LTBP1: variants seen among roughly 807,000 people sequenced by gnomAD.
The protein encoded by LTBP1 is latent-transforming growth factor beta-binding protein 1.
Under a neutral mutation model 207.6 loss-of-function variants are expected in LTBP1, and 129 were observed. The observed-to-expected ratio is 0.62, with a 90% CI of 0.54 to 0.72. LTBP1 has a LOEUF of 0.72. Ranked by LOEUF, LTBP1 falls within the 30% of genes least tolerant of loss-of-function variation. The probability of loss-of-function intolerance (pLI) is 0.00; values close to 1 mark genes in which losing one functional copy is unlikely to be tolerated. For missense variants in LTBP1, 2,281 were observed against 2,217.2 expected, an observed-to-expected ratio of 1.03 and a Z score of -0.58; for synonymous variants, 963 against 833.7, an observed-to-expected ratio of 1.16 and a Z score of -2.67.
At chr2:32,967,883 A>T (rs752392365) in intron 2 of LTBP1, among the ~76,000 whole-genome samples, 20 of 152,202 alleles carry the variant, frequency 1.3e-4, no homozygotes, top group Non-Finnish European at 2.8e-4. Flanking sequence ...GATTTTCTGC[A>T]TGCTGGATCT....
At chr2:33,125,603 C>T (rs1315423138) in intron 4 of LTBP1, among the ~76,000 whole-genome samples, 3 of 152,000 alleles carry the variant, frequency 2.0e-5, no homozygotes, top group Non-Finnish European at 4.4e-5. Context: ...GAGGCTGAGG[C>T]GGGTGGATCA....
Position 33,281,418 on chromosome 2 carries a change from GC to G in LTBP1, c.3112+1262del, listed in dbSNP as rs2093556887. Among the ~76,000 whole-genome samples, 5 of 152,274 alleles carry G rather than the reference GC, an allele frequency of 3.3e-5. No homozygotes were observed. The South Asian group carries it at 1.0e-3, about 32-fold the overall frequency. ...TCGTGGAAGAAGAAGAGAGCAGAAG[GC>G]CAGTGTAGCTGAAGGCCAGAGAACA... is the stretch of plus-strand genomic sequence containing the variant. On this transcript the variant is annotated intron_variant, in intron 19 of 33. Coordinates refer to ENST00000404816, the MANE Select transcript of LTBP1 (RefSeq NM_206943.4).
At chr2:33,150,710 CTTTTTTTTTTTTTTT>C (rs1176008947) in intron 5 of LTBP1, among the ~76,000 whole-genome samples, 31 of 69,278 alleles carry the variant, frequency 4.5e-4, no homozygotes, top group Non-Finnish European at 1.0e-4. Flanking sequence ...TTTTCTTTTT[CTTTTTTTTTTTTTTT>C]TTTTTTTTTT....
chr2:33,280,163 G>T lies in LTBP1; in HGVS notation c.3112+5G>T. ...GCTGGAATGGACAGTGCCTTGGTAG[G>T]TACTATAGTGTACTTATCAAAGATT... On this transcript the variant is annotated splice_donor_5th_base_variant and intron_variant, in intron 19 of 33. Coordinates refer to ENST00000404816, the MANE Select transcript of LTBP1 (RefSeq NM_206943.4). 1.2e-6 allele frequency: 2 copies of T among 1,603,752 alleles called. No homozygotes were observed. Among genetic ancestry groups the T allele is most frequent in the Non-Finnish European group, 1.7e-6 (2 of 1,176,478 alleles).
At chr2:33,168,678 G>A (rs2148352044) in intron 5 of LTBP1, among the ~76,000 whole-genome samples, 1 of 150,852 alleles carries the variant, frequency 6.6e-6, no homozygotes, top group South Asian at 2.1e-4. Context: ...TTTTTAGCAT[G>A]TTAAAAGAAA....
At chr2:33,044,178 G>T (rs1021849561) in intron 3 of LTBP1, among the ~76,000 whole-genome samples, 1 of 151,568 alleles carries the variant, frequency 6.6e-6, no homozygotes, top group African/African-American at 2.4e-5. Flanking sequence ...GCAGAACATG[G>T]CAGGTATACA....
intron 13 of LTBP1, among the ~76,000 whole-genome samples, chr2:33,260,164 G>C (rs987685279): frequency 6.6e-6 from 1 of 152,138 alleles, no homozygotes; most frequent in African/African-American, 2.4e-5. Context: ...GCTATGAATT[G>C]TGAGACATTT....
At chr2:33,070,155 T>C (rs1013622656) in intron 3 of LTBP1, among the ~76,000 whole-genome samples, 1 of 152,144 alleles carries the variant, frequency 6.6e-6, no homozygotes, top group African/African-American at 2.4e-5. Context: ...TGGAGAGGTG[T>C]TGGTATTTGG....
intron 24 of LTBP1, 26 bp downstream of exon 24, chr2:33,315,295 T>C (rs781095856): frequency 1.9e-6 from 3 of 1,609,560 alleles, no homozygotes; most frequent in East Asian, 2.2e-5. Flanking sequence ...CGAAATCATA[T>C]TGTTGTGTGA....
At chr2:33,019,382 G>T (rs2149202790) in intron 2 of LTBP1, among the ~76,000 whole-genome samples, 1 of 135,912 alleles carries the variant, frequency 7.4e-6, no homozygotes, top group Admixed American at 8.8e-5. Context: ...TGTCATCCAG[G>T]CTGCAATGTG....
intron 3 of LTBP1, among the ~76,000 whole-genome samples, chr2:33,085,627 T>G (rs988997249): frequency 6.6e-6 from 1 of 152,182 alleles, no homozygotes; most frequent in East Asian, 1.9e-4. Context: ...TATGACACAT[T>G]TATTATTATC....
chr2:33,275,081 A>C lies in LTBP1; in HGVS notation c.2860A>C (p.Asn954His). Reference sequence around the variant, plus strand: ...ATTTATGGCCAGTGAGGAGGGTACTAACTGCATAGGTAATGGCAGCATTCT... The same window carrying C: ...ATTTATGGCCAGTGAGGAGGGTACTCACTGCATAGGTAATGGCAGCATTCT... The part of the protein sequence containing the change: ...AGFMASEEGT[N>H]CIDVDECLRP... The change falls in exon 17 of 34, where the codon AAC becomes CAC. Residue 954 changes from asparagine (N) to histidine (H), a missense_variant. Asn to His is a moderately conservative substitution (Grantham distance 68, BLOSUM62 1). Coordinates refer to ENST00000404816, the MANE Select transcript of LTBP1 (RefSeq NM_206943.4). 6.2e-7 allele frequency: 1 copy of C among 1,613,938 alleles called. No individual in the cohort carries two copies. Among genetic ancestry groups the C allele is most frequent in the Non-Finnish European group, 8.5e-7 (1 of 1,179,854 alleles).
At chr2:33,172,538 C>T (rs1433940108) in intron 5 of LTBP1, among the ~76,000 whole-genome samples, 10 of 152,166 alleles carry the variant, frequency 6.6e-5, no homozygotes, top group Non-Finnish European at 1.2e-4. Context: ...GACTTAGACT[C>T]CCACACAATA....
intron 32 of LTBP1, among the ~76,000 whole-genome samples, chr2:33,396,682 A>G (rs543375085): frequency 6.6e-4 from 101 of 152,182 alleles, no homozygotes; most frequent in Non-Finnish European, 1.3e-3. Flanking sequence ...CTCTGGTCTT[A>G]CAAACGCCGG....
intron 22 of LTBP1, among the ~76,000 whole-genome samples, chr2:33,304,651 A>G (rs933534664): frequency 6.6e-6 from 1 of 152,026 alleles, no homozygotes; most frequent in Non-Finnish European, 1.5e-5. Context: ...TCTGCCTGTG[A>G]CTTGTTCCCT....
intron 3 of LTBP1, among the ~76,000 whole-genome samples, chr2:33,100,142 A>G (rs1361458690): frequency 1.3e-5 from 2 of 152,236 alleles, no homozygotes; most frequent in East Asian, 3.8e-4. Context: ...TTAATTCCTC[A>G]CAATGCGATA....
rs530585079 is a variant in LTBP1, at chr2:33,145,350, A to G, written c.1201+10390A>G. Among the ~76,000 whole-genome samples the G allele has an allele frequency of 1.4e-4, 22 of 152,302 alleles. No individual in the cohort carries two copies. In the East Asian group the frequency reaches 3.9e-3, roughly 27 times the overall value. ...CAGATGCCCATCAGCTTCAATAAGA[A>G]TTGGTCTGGATTATGGGGACTTTAT... On this transcript the variant is annotated intron_variant, in intron 5 of 33. Transcript: ENST00000404816.
At chr2:33,235,366 G>A (rs1211664604) in intron 9 of LTBP1, among the ~76,000 whole-genome samples, 1 of 152,196 alleles carries the variant, frequency 6.6e-6, no homozygotes. Flanking sequence ...TCTCACGTCA[G>A]TTAGAATGGC....
At chr2:33,008,635 G>A (rs1375620402) in intron 2 of LTBP1, among the ~76,000 whole-genome samples, 2 of 152,164 alleles carry the variant, frequency 1.3e-5, no homozygotes, top group African/African-American at 2.4e-5. Flanking sequence ...TCTTCTAGGC[G>A]CAGGGCAAAA....
Sources: gnomAD v4.1 joint callset for allele counts (sites outside exome capture counted in the v4.1 genomes callset) on GRCh38, gnomAD v4.1.1 for gene constraint, MANE v1.5 for transcripts, NCBI Gene and HGNC (gene_info 2026-07-23, HGNC 2026-07-21) for gene names.